The following POT1 variants were observed in gnomAD, a reference collection of about 807,000 sequenced individuals.
POT1 encodes protection of telomeres 1.
POT1 carries 47 observed loss-of-function variants against 78.5 expected under a neutral mutation model. The observed-to-expected ratio is 0.60, with a 90% CI of 0.47 to 0.76. The LOEUF (loss-of-function observed/expected upper bound fraction) is 0.76. POT1 is among the 30% of genes least tolerant of loss of function. The pLI is 0.00. For missense variants in POT1, 646 were observed against 749.9 expected (o/e 0.86, Z 1.62); for synonymous variants, 259 against 260.7 (o/e 0.99, Z 0.06).
chr7:124,922,853 T>TC (rs1226997207), intron 2 of POT1, among the ~76,000 whole-genome samples: 9 of 151,680 alleles, frequency 5.9e-5, no homozygotes, highest in Admixed American at 5.9e-4. Context: ...AAAAGCATGA[T>TC]CCCGTTATAT....
At chr7:124,886,375 A>G (rs542048535) in intron 6 of POT1, among the ~76,000 whole-genome samples, 1 of 152,216 alleles carries the variant, frequency 6.6e-6, no homozygotes, top group Admixed American at 6.5e-5. Flanking sequence ...ACAGCTGTGG[A>G]CTGTTCCTGT....
At chr7:124,839,342 A>C (rs758317368) in intron 14 of POT1, among the ~76,000 whole-genome samples, 2 of 152,230 alleles carry the variant, frequency 1.3e-5, no homozygotes, top group African/African-American at 4.8e-5. Context: ...GCATTTGTCA[A>C]AACATAAAGA....
intron 3 of POT1, among the ~76,000 whole-genome samples, chr7:124,906,620 C>T (rs996183050): frequency 1.3e-5 from 2 of 151,670 alleles, no homozygotes; most frequent in Non-Finnish European, 2.9e-5. Flanking sequence ...CACATGTACC[C>T]TAGAACTTAA....
chr7:124,920,615 T>C (rs1435398396), intron 2 of POT1, among the ~76,000 whole-genome samples: 1 of 152,054 alleles, frequency 6.6e-6, no homozygotes, highest in East Asian at 1.9e-4. Flanking sequence ...AAGTACACAA[T>C]AGAGAGCTGA....
intron 5 of POT1, among the ~76,000 whole-genome samples, chr7:124,894,682 C>G (rs1796451309): frequency 6.6e-6 from 1 of 151,378 alleles, no homozygotes; most frequent in South Asian, 2.1e-4. Context: ...TACATGATTC[C>G]CAATAAGCCC....
intron 7 of POT1, among the ~76,000 whole-genome samples, chr7:124,867,836 C>T (rs1271930009): frequency 6.6e-6 from 1 of 151,762 alleles, no homozygotes; most frequent in African/African-American, 2.4e-5. Context: ...TTAGTAGAGA[C>T]GGGGTTTCAC....
intron 9 of POT1, among the ~76,000 whole-genome samples, chr7:124,855,669 A>C (rs929806518): frequency 2.6e-5 from 4 of 151,844 alleles, no homozygotes; most frequent in African/African-American, 9.7e-5. Context: ...CTAAAAAAAA[A>C]CTAGAAACAC....
chr7:124,864,341 A>C (rs1029430272), intron 7 of POT1, among the ~76,000 whole-genome samples: 2 of 152,094 alleles, frequency 1.3e-5, no homozygotes, highest in African/African-American at 4.8e-5. Context: ...TCTCATAGGT[A>C]GCATATATTT....
chr7:124,905,952 C>T (rs1796755210), intron 3 of POT1, among the ~76,000 whole-genome samples: 1 of 152,170 alleles, frequency 6.6e-6, no homozygotes, highest in Admixed American at 6.5e-5. Context: ...CATCTCACAC[C>T]AGTTAGAATG....
intron 6 of POT1, among the ~76,000 whole-genome samples, chr7:124,890,108 G>A (rs1348988139): frequency 6.6e-6 from 1 of 151,960 alleles, no homozygotes; most frequent in Non-Finnish European, 1.5e-5. Context: ...CATGATTCAT[G>A]TGAGGTCAAA....
At chr7:124,891,831 C>T (rs568828379) in intron 6 of POT1, among the ~76,000 whole-genome samples, 8 of 151,636 alleles carry the variant, frequency 5.3e-5, no homozygotes, top group South Asian at 4.2e-4. Flanking sequence ...ATGTTACTGA[C>T]GTCATAATTT....
At chr7:124,841,290 G>C in intron 13 of POT1, 112 bp from the exon 14 acceptor site, 1 of 760,822 alleles carries the variant, frequency 1.3e-6, no homozygotes, top group Non-Finnish European at 2.1e-6. Flanking sequence ...AGATGAGTCA[G>C]TTACTTTTTC....
At chr7:124,864,401 T>C (rs529490136) in intron 7 of POT1, among the ~76,000 whole-genome samples, 72 of 152,304 alleles carry the variant, frequency 4.7e-4, no homozygotes, top group African/African-American at 1.5e-3. Flanking sequence ...AATTGGAAAT[T>C]AGTCCATTCA....
chr7:124,897,111 T>C lies in POT1; in HGVS notation c.9+54A>G, dbSNP rs1326699853. ...ATACATACACATGTATCTATGTGTG[T>C]GGCATATACAGGTATAGGTGTAATA... On this transcript the variant is annotated intron_variant, in intron 5 of 18. Coordinates refer to ENST00000357628, the MANE Select transcript of POT1 (RefSeq NM_015450.3). 52 of 1,145,750 alleles carry C rather than the reference T, an allele frequency of 4.5e-5. No individual in the cohort carries two copies. In the Admixed American group the frequency reaches 1.2e-3, roughly 27 times the overall value. 71.0% of individuals were successfully genotyped at this position (1,145,750 alleles called of 1,614,324 possible).
At chr7:124,847,047 T>C (rs748086477) in intron 11 of POT1, 49 bp from the exon 12 acceptor site, 26 of 1,302,806 alleles carry the variant, frequency 2.0e-5, no homozygotes, top group South Asian at 6.1e-5. Flanking sequence ...AACTTCATTG[T>C]AGAACTGAAA....
chr7:124,899,337 C>T (rs1465336495), intron 3 of POT1, among the ~76,000 whole-genome samples: 1 of 152,126 alleles, frequency 6.6e-6, no homozygotes, highest in African/African-American at 2.4e-5. Context: ...CTTGCCCTAA[C>T]CAGGTATTGT....
intron 5 of POT1, among the ~76,000 whole-genome samples, chr7:124,893,726 T>A (rs1353873677): frequency 6.6e-6 from 1 of 151,590 alleles, no homozygotes; most frequent in Non-Finnish European, 1.5e-5. Flanking sequence ...ATAACTATGC[T>A]TGCCCAAGGA....
intron 14 of POT1, among the ~76,000 whole-genome samples, chr7:124,838,311 T>TA (rs1362596564): frequency 1.3e-5 from 2 of 151,944 alleles, no homozygotes; most frequent in Non-Finnish European, 2.9e-5. Context: ...ATAGCAACGG[T>TA]AGAGGATACA....
chr7:124,883,625 A>C (rs1323704401), intron 6 of POT1, among the ~76,000 whole-genome samples: 1 of 152,052 alleles, frequency 6.6e-6, no homozygotes, highest in Non-Finnish European at 1.5e-5. Context: ...GAATATGAAC[A>C]TATCACAGGT....
Sources: allele counts gnomAD v4.1 joint callset (sites outside exome capture counted in the v4.1 genomes callset), GRCh38; gene constraint gnomAD v4.1.1; transcripts MANE v1.5; gene names NCBI Gene and HGNC (gene_info 2026-07-23, HGNC 2026-07-21).